CSNK1G2: variants seen among roughly 807,000 people sequenced by gnomAD.
The protein encoded by CSNK1G2 is casein kinase I isoform gamma-2.
CSNK1G2 carries 11 observed loss-of-function variants against 48.0 expected under a neutral mutation model. The ratio of observed to expected loss-of-function variants is 0.23; its 90% CI spans 0.14 to 0.38. The LOEUF (loss-of-function observed/expected upper bound fraction) is 0.38. Among genes scored for constraint, CSNK1G2 ranks in the 10% least tolerant of loss-of-function variants. The pLI is 1.00. For synonymous variants in CSNK1G2, 337 were observed against 254.1 expected (o/e 1.33, Z -3.10); for missense variants, 446 against 595.5 (o/e 0.75, Z 2.61).
intron 1 of CSNK1G2, among the ~76,000 whole-genome samples, chr19:1,960,000 G>A (rs2015145514): frequency 6.6e-6 from 1 of 152,194 alleles, no homozygotes; most frequent in Admixed American, 6.5e-5. Context: ...TGGGGAGTGA[G>A]AGTTTGTTCC....
intron 1 of CSNK1G2, among the ~76,000 whole-genome samples, chr19:1,961,362 G>T (rs188895199): frequency 7.2e-5 from 11 of 152,372 alleles, no homozygotes; most frequent in Non-Finnish European, 1.2e-4. Flanking sequence ...GCGTTGGGTG[G>T]AGCTGCCTCA....
At chr19:1,948,874 C>T (rs959147942) in intron 1 of CSNK1G2, among the ~76,000 whole-genome samples, 2 of 152,224 alleles carry the variant, frequency 1.3e-5, no homozygotes, top group African/African-American at 4.8e-5. Context: ...TTAGGTGCTG[C>T]GTTCTCACAG....
At chr19:1,975,417 G>A (rs773822641) in intron 2 of CSNK1G2, 3 of 985,378 alleles carry the variant, frequency 3.0e-6, no homozygotes, top group Non-Finnish European at 3.6e-6. Flanking sequence ...GAGCTACACA[G>A]CCGTGTTCGC....
chr19:1,950,929 T>G (rs1251679408), intron 1 of CSNK1G2, among the ~76,000 whole-genome samples: 1 of 146,138 alleles, frequency 6.8e-6, no homozygotes, highest in Non-Finnish European at 1.5e-5. Flanking sequence ...TTATTCGCCT[T>G]GGTGCCCCCC....
intron 1 of CSNK1G2, among the ~76,000 whole-genome samples, chr19:1,969,242 C>T (rs2015482694): frequency 6.8e-6 from 1 of 146,190 alleles, no homozygotes; most frequent in African/African-American, 2.5e-5. Flanking sequence ...CCCACCCACC[C>T]ACCCATCCCG....
At chr19:1,944,894 T>C (rs1243643787) in intron 1 of CSNK1G2, among the ~76,000 whole-genome samples, 1 of 152,204 alleles carries the variant, frequency 6.6e-6, no homozygotes, top group East Asian at 1.9e-4. Flanking sequence ...TGCCGGGTCC[T>C]CCTGTAGTGG....
intron 1 of CSNK1G2, among the ~76,000 whole-genome samples, chr19:1,945,585 G>A (rs963500085): frequency 1.3e-5 from 2 of 152,222 alleles, no homozygotes; most frequent in African/African-American, 4.8e-5. Flanking sequence ...ACTTTGGGAG[G>A]CCGAGGTGGG....
chr19:1,947,050 G>A (rs557624188), intron 1 of CSNK1G2, among the ~76,000 whole-genome samples: 9 of 152,322 alleles, frequency 5.9e-5, no homozygotes, highest in South Asian at 2.1e-4. Context: ...CACCGTGCCC[G>A]GCCCTATCGC....
At chr19:1,966,351 G>A (rs969100027) in intron 1 of CSNK1G2, among the ~76,000 whole-genome samples, 3 of 152,212 alleles carry the variant, frequency 2.0e-5, no homozygotes, top group Admixed American at 2.0e-4. Context: ...CAGTGGAGGA[G>A]GGACTGTAGA....
Position 1,979,770 on chromosome 19 carries a change from G to A in CSNK1G2, c.1021G>A (p.Val341Ile), listed in dbSNP as rs765618157. 5.0e-6 allele frequency: 8 copies of A among 1,606,450 alleles called. No homozygotes were observed. The highest frequency in any genetic ancestry group is 4.4e-5 in the South Asian group (4 of 90,800). ...GKPLPTPIGT[V>I]HTDLPSQPQL... ...CCCACAGCCGACCCCCATCGGCACC[G>A]TCCACACCGACCTGCCCTCCCAGCC... is the stretch of plus-strand genomic sequence containing the variant. The change falls in exon 10 of 12, where the codon GTC (valine) becomes ATC (isoleucine). Residue 341 changes from valine to isoleucine, a missense_variant. Val to Ile is a conservative substitution (Grantham distance 29, BLOSUM62 3). Transcript: ENST00000255641.
intron 2 of CSNK1G2, chr19:1,975,334 A>T: frequency 1.0e-6 from 1 of 985,378 alleles, no homozygotes; most frequent in Non-Finnish European, 1.2e-6. Flanking sequence ...AGCCTGGGGG[A>T]GCGCAGCTCA....
At position 1,966,429 on chromosome 19, in the gene CSNK1G2, C is replaced by G. The variant is rs142973397; in HGVS notation, c.-265-3079C>G. ...AGATGTGACTGCATTGTCGCTGTCTCGCGAGAAAACTTTAACACGTGAGGA... is the reference window on the plus strand; with the variant it reads ...AGATGTGACTGCATTGTCGCTGTCTGGCGAGAAAACTTTAACACGTGAGGA... On this transcript the variant is annotated intron_variant, in intron 1 of 11. Transcript: ENST00000255641. Among the ~76,000 whole-genome samples the G allele has an allele frequency of 8.7e-4, 132 of 152,236 alleles. 2 individuals carry two copies. The East Asian group carries it at 0.024, about 28-fold the overall frequency.
At chr19:1,956,441 C>T (rs963175683) in intron 1 of CSNK1G2, among the ~76,000 whole-genome samples, 5 of 152,134 alleles carry the variant, frequency 3.3e-5, no homozygotes, top group African/African-American at 7.2e-5. Context: ...TGCTTGAACT[C>T]GGGAGGCGGA....
chr19:1,949,024 G>T (rs2014671031), intron 1 of CSNK1G2, among the ~76,000 whole-genome samples: 1 of 152,220 alleles, frequency 6.6e-6, no homozygotes, highest in South Asian at 2.1e-4. Context: ...AAGGGAGGGT[G>T]GGTCTCGCTG....
Position 1,980,259 on chromosome 19 carries a change from C to A in CSNK1G2, c.*56C>A, listed in dbSNP as rs549106318. On this transcript the variant is annotated 3_prime_UTR_variant, in exon 12 of 12. Coordinates refer to ENST00000255641, the MANE Select transcript of CSNK1G2 (RefSeq NM_001319.7). ...TCCGTGCAGCCCCTTGGGGCGCGAC[C>A]TTGTGCGAGGCCCTCGGGGCCCACC... 1 of 1,601,504 alleles carries A rather than the reference C, an allele frequency of 6.2e-7. No homozygotes were observed. The highest frequency in any genetic ancestry group is 8.5e-7 in the Non-Finnish European group (1 of 1,170,866).
chr19:1,953,402 A>G lies in CSNK1G2; in HGVS notation c.-266+11984A>G, dbSNP rs778596203. 1.5e-5 allele frequency: 8 copies of G among 534,210 alleles called. No individual in the cohort carries two copies. The East Asian group carries it at 4.4e-4, about 29-fold the overall frequency. 33.1% of individuals were successfully genotyped at this position (534,210 alleles called of 1,614,324 possible). A position where few individuals can be genotyped will look rare whatever the true frequency, so the allele number is the denominator to read the frequency against. On this transcript the variant is annotated intron_variant, in intron 1 of 11. Coordinates refer to ENST00000255641, the MANE Select transcript of CSNK1G2 (RefSeq NM_001319.7). ...TGTTCTCACTTCCCCCGGAGTCTGG[A>G]AGGCCGTCTTTGTGATGGATTTGAT...
rs568072790 is a variant in CSNK1G2 at position 1,976,040 on chromosome 19, GA to G, written c.188-2258del. 1,146 of 1,288,208 alleles carry G rather than the reference GA, an allele frequency of 8.9e-4. 16 individuals are homozygous for G. The African/African-American group carries it at 0.014, about 15-fold the overall frequency. 79.8% of individuals were successfully genotyped at this position (1,288,208 alleles called of 1,614,324 possible). ...ACAGAACGAGACTCTGCTCCAAAAA[GA>G]AAAAAACTTTGAAATCCCTCTAAAA... On this transcript the variant is annotated intron_variant, in intron 2 of 11. Coordinates refer to ENST00000255641, the MANE Select transcript of CSNK1G2 (RefSeq NM_001319.7).
chr19:1,950,496 A>G (rs1001967039), intron 1 of CSNK1G2, among the ~76,000 whole-genome samples: 6 of 147,104 alleles, frequency 4.1e-5, no homozygotes, highest in Admixed American at 2.0e-4. Context: ...GAACTTGAAC[A>G]TTACAGCAAC....
At chr19:1,949,816 C>G (rs1246964666) in intron 1 of CSNK1G2, among the ~76,000 whole-genome samples, 1 of 152,254 alleles carries the variant, frequency 6.6e-6, no homozygotes, top group Non-Finnish European at 1.5e-5. Context: ...CGATGCTTCT[C>G]TGGCCTGCAG....
Sources: gnomAD v4.1 joint callset for allele counts (sites outside exome capture counted in the v4.1 genomes callset) on GRCh38, gnomAD v4.1.1 for gene constraint, MANE v1.5 for transcripts, NCBI Gene and HGNC (gene_info 2026-07-23, HGNC 2026-07-21) for gene names.